The following CFAP43 variants were observed in gnomAD, a reference collection of about 807,000 sequenced individuals.
The protein encoded by CFAP43 is cilia- and flagella-associated protein 43.
Under a neutral mutation model 218.9 loss-of-function variants are expected in CFAP43, and 155 were observed. That is an observed-to-expected ratio of 0.71 (90% confidence interval 0.62 to 0.81). CFAP43 has a LOEUF of 0.81. Ranked by LOEUF, CFAP43 falls within the 30% of genes least tolerant of loss-of-function variation. The probability of loss-of-function intolerance (pLI) is 0.00; values close to 1 mark genes in which losing one functional copy is unlikely to be tolerated. For synonymous variants in CFAP43, 645 were observed against 681.3 expected (o/e 0.95, Z 0.83); for missense variants, 1,778 against 1,954.3 (o/e 0.91, Z 1.70).
chr10:104,161,930 C>T, intron 26 of CFAP43, 31 bp downstream of exon 26: 2 of 1,595,778 alleles, frequency 1.3e-6, no homozygotes, highest in Non-Finnish European at 1.7e-6. Context: ...CACCCCATTC[C>T]ACCTTCTATA....
At chr10:104,227,549 G>A (rs973011587) in intron 2 of CFAP43, among the ~76,000 whole-genome samples, 7 of 152,108 alleles carry the variant, frequency 4.6e-5, no homozygotes, top group African/African-American at 1.7e-4. Context: ...GATGTCTTTG[G>A]TTATTTGGAG....
chr10:104,153,141 TAAG>T (rs2088359347), intron 27 of CFAP43, among the ~76,000 whole-genome samples: 2 of 152,318 alleles, frequency 1.3e-5, no homozygotes, highest in African/African-American at 2.4e-5. Context: ...TTTAAGGAAA[TAAG>T]AAGTGAATGC....
intron 2 of CFAP43, among the ~76,000 whole-genome samples, chr10:104,227,998 C>A (rs1052705275): frequency 1.3e-5 from 2 of 151,902 alleles, no homozygotes; most frequent in African/African-American, 4.8e-5. Context: ...CATGCGCCAC[C>A]ATGCCCAACT....
intron 34 of CFAP43, among the ~76,000 whole-genome samples, chr10:104,134,855 G>A (rs1431469172): frequency 1.3e-4 from 20 of 152,074 alleles, no homozygotes; most frequent in Non-Finnish European, 1.5e-5. Flanking sequence ...TAGAAGAGGA[G>A]GGAACACTTT....
At position 104,211,407 on chromosome 10, in the gene CFAP43, T is replaced by TTGAATGAA. The variant is rs1202189091; in HGVS notation, c.735+592_735+599dup. On this transcript the variant is annotated intron_variant, in intron 5 of 37. Coordinates refer to ENST00000357060, the MANE Select transcript of CFAP43 (RefSeq NM_025145.7). Reference sequence around the variant, plus strand: ...ATAGAAGAAACTTGATAAATCTCTGTTGAATGAATGAATGAATGAATGGGT... The same window carrying TTGAATGAA: ...ATAGAAGAAACTTGATAAATCTCTGTTGAATGAATGAATGAATGAATGAATGAATGGGT... Among the ~76,000 whole-genome samples, 3 of 152,146 alleles carry TTGAATGAA rather than the reference T, an allele frequency of 2.0e-5. No homozygotes were observed. The East Asian group carries it at 5.8e-4, about 29-fold the overall frequency.
chr10:104,160,290 T>C (rs1430111331), intron 27 of CFAP43, among the ~76,000 whole-genome samples: 1 of 152,186 alleles, frequency 6.6e-6, no homozygotes, highest in Admixed American at 6.5e-5. Context: ...GTAAGAACCA[T>C]TTTAGGTTAA....
intron 12 of CFAP43, among the ~76,000 whole-genome samples, chr10:104,189,216 A>G (rs2090129829): frequency 6.6e-6 from 1 of 152,002 alleles, no homozygotes; most frequent in Admixed American, 6.6e-5. Context: ...TACATTATCA[A>G]TCACCTCTTT....
intron 27 of CFAP43, among the ~76,000 whole-genome samples, chr10:104,153,247 G>T (rs1335655784): frequency 6.6e-6 from 1 of 151,908 alleles, no homozygotes; most frequent in Non-Finnish European, 1.5e-5. Context: ...ATGTTCCCTT[G>T]TCCTCTCTTT....
intron 12 of CFAP43, among the ~76,000 whole-genome samples, chr10:104,189,710 A>G (rs1480718478): frequency 6.6e-6 from 1 of 152,146 alleles, no homozygotes; most frequent in Non-Finnish European, 1.5e-5. Flanking sequence ...AAACAGATAC[A>G]TTAAAAATGG....
intron 32 of CFAP43, among the ~76,000 whole-genome samples, chr10:104,142,874 C>A (rs780018487): frequency 3.9e-5 from 6 of 152,086 alleles, no homozygotes; most frequent in Non-Finnish European, 5.9e-5. Flanking sequence ...TAATTCTAAT[C>A]TATGCAAAAT....
intron 7 of CFAP43, among the ~76,000 whole-genome samples, chr10:104,205,251 A>C (rs1325452519): frequency 6.6e-6 from 1 of 151,678 alleles, no homozygotes; most frequent in Non-Finnish European, 1.5e-5. Flanking sequence ...GAAAAGAAAA[A>C]GAAAAATATG....
chr10:104,149,053 A>G (rs1589642586), intron 28 of CFAP43, among the ~76,000 whole-genome samples: 2 of 152,116 alleles, frequency 1.3e-5, no homozygotes, highest in Admixed American at 6.6e-5. Flanking sequence ...TCTTTTCCTC[A>G]TAATTTATTT....
At chr10:104,152,812 G>T in intron 27 of CFAP43, 86 bp from the exon 28 acceptor site, 1 of 1,445,666 alleles carries the variant, frequency 6.9e-7, no homozygotes, top group African/African-American at 1.4e-5. Context: ...ACAAGGGAGG[G>T]GCAGATGGAG....
At chr10:104,157,792 G>C (rs902043024) in intron 27 of CFAP43, among the ~76,000 whole-genome samples, 4 of 145,544 alleles carry the variant, frequency 2.7e-5, no homozygotes, top group African/African-American at 1.0e-4. Context: ...GAGAGAGAGA[G>C]AGAGAGAGAG....
At chr10:104,158,714 T>A (rs2088710350) in intron 27 of CFAP43, among the ~76,000 whole-genome samples, 1 of 152,172 alleles carries the variant, frequency 6.6e-6, no homozygotes, top group Admixed American at 6.5e-5. Flanking sequence ...GATAATCATA[T>A]TAATATTAAG....
chr10:104,161,998 C>A lies in CFAP43; in HGVS notation c.3377G>T (p.Gly1126Val), dbSNP rs374356413. The change falls in exon 26 of 38, where the codon GGA becomes GTA. Residue 1126 changes from glycine to valine, a missense_variant. Physicochemically the swap from Gly to Val is moderately radical, Grantham distance 109. This residue lies in a region of CFAP43 where 1,553 missense variants were observed against 1,685.2 expected (regional missense o/e 0.92). Coordinates refer to ENST00000357060, the MANE Select transcript of CFAP43 (RefSeq NM_025145.7). ...RLRALMDMMGGVLEVKKEDIL... is the reference protein window; with the variant it reads ...RLRALMDMMGVVLEVKKEDIL... ...ATCTTCCTTCTTGACTTCCAGAACTCCTCCCATCATGTCCATCAGAGCTCG... is the reference window on the plus strand; with the variant it reads ...ATCTTCCTTCTTGACTTCCAGAACTACTCCCATCATGTCCATCAGAGCTCG... 54 of 1,613,778 alleles carry A rather than the reference C, an allele frequency of 3.3e-5. No homozygotes were observed. Among genetic ancestry groups the A allele is most frequent in the African/African-American group, 8.0e-5 (6 of 74,910 alleles).
chr10:104,229,422 G>A (rs2091389141), intron 2 of CFAP43, among the ~76,000 whole-genome samples: 1 of 151,776 alleles, frequency 6.6e-6, no homozygotes. Flanking sequence ...GGAGGCGGAG[G>A]TGGGTGGATC....
At chr10:104,176,922 A>G (rs1178255072) in intron 19 of CFAP43, among the ~76,000 whole-genome samples, 1 of 152,226 alleles carries the variant, frequency 6.6e-6, no homozygotes, top group Non-Finnish European at 1.5e-5. Flanking sequence ...AAATAAAAAT[A>G]AAGAACTCCT....
At chr10:104,203,562 G>T in intron 8 of CFAP43, 110 bp downstream of exon 8, 1 of 1,045,032 alleles carries the variant, frequency 9.6e-7, no homozygotes, top group South Asian at 2.6e-5. Flanking sequence ...CTAGAGTCTT[G>T]ACAAGTAGAG....
Sources: gnomAD v4.1 joint callset for allele counts (sites outside exome capture counted in the v4.1 genomes callset) on GRCh38, gnomAD v4.1.1 for gene constraint, gnomAD v4.1.1 regional missense constraint, MANE v1.5 for transcripts, NCBI Gene and HGNC (gene_info 2026-07-23, HGNC 2026-07-21) for gene names.